The following R3HDM2 variants were observed in gnomAD, a reference collection of about 807,000 sequenced individuals.
The protein encoded by R3HDM2 is R3H domain-containing protein 2.
Under a neutral mutation model 124.5 loss-of-function variants are expected in R3HDM2, and 38 were observed. The ratio of observed to expected loss-of-function variants is 0.31; its 90% CI spans 0.24 to 0.40. The LOEUF is 0.40. Ranked by LOEUF, R3HDM2 falls within the 10% of genes least tolerant of loss-of-function variation. The pLI, the probability that R3HDM2 is intolerant of heterozygous loss-of-function variation, is 1.00. For synonymous variants in R3HDM2, 391 were observed against 448.0 expected, an observed-to-expected ratio of 0.87 and a Z score of 1.61; for missense variants, 869 against 1,236.9, an observed-to-expected ratio of 0.70 and a Z score of 4.46.
At chr12:57,381,499 C>T (rs959635393) in intron 2 of R3HDM2, among the ~76,000 whole-genome samples, 8 of 137,342 alleles carry the variant, frequency 5.8e-5, no homozygotes, top group South Asian at 2.3e-4. Context: ...GAGCCGAGAT[C>T]GTACCACTGC....
rs1167770622 is a variant in R3HDM2 at position 57,256,595 on chromosome 12, G to A, written c.2450-84C>T. On this transcript the variant is annotated intron_variant, in intron 21 of 23. Transcript: ENST00000402412. ...AAGACTTCAAGGGGCTTTGGAGACAGCAACAATGCATACTATTCCTAATTT... is the reference window on the plus strand; with the variant it reads ...AAGACTTCAAGGGGCTTTGGAGACAACAACAATGCATACTATTCCTAATTT... 5.3e-6 allele frequency: 5 copies of A among 948,264 alleles called. No homozygotes were observed. The Admixed American group carries it at 1.4e-4, about 27-fold the overall frequency. The allele number at this position is 948,264 out of a possible 1,614,324, so 58.7% of individuals were successfully genotyped here.
intron 2 of R3HDM2, among the ~76,000 whole-genome samples, chr12:57,365,157 G>C (rs915842951): frequency 2.6e-5 from 4 of 151,266 alleles, no homozygotes; most frequent in Non-Finnish European, 5.9e-5. Context: ...CCAGCTACTA[G>C]GGAGGCTGAG....
At chr12:57,299,212 T>C (rs1243088112) in intron 6 of R3HDM2, 140 bp downstream of exon 6, 1 of 922,448 alleles carries the variant, frequency 1.1e-6, no homozygotes, top group Non-Finnish European at 1.6e-6. Flanking sequence ...GAAAGTAACC[T>C]CGTTAGGCAT....
chr12:57,371,659 C>T (rs1475407537), intron 2 of R3HDM2, among the ~76,000 whole-genome samples: 1 of 152,184 alleles, frequency 6.6e-6, no homozygotes, highest in Non-Finnish European at 1.5e-5. Context: ...TTCTCTTTCA[C>T]CTTTCCTAAA....
At position 57,267,027 on chromosome 12, in the gene R3HDM2, C is replaced by A; in HGVS notation, c.2031-196G>T. 5 of 475,630 alleles carry A rather than the reference C, an allele frequency of 1.1e-5. No homozygotes were observed. In the South Asian group the frequency reaches 1.1e-4, roughly 11 times the overall value. 29.5% of individuals were successfully genotyped at this position (475,630 alleles called of 1,614,324 possible). ...ATTATATGTATTTGTACTTGATCATCTTTCAATTAGGAAGCTGCTAATCAG... is the reference window on the plus strand; with the variant it reads ...ATTATATGTATTTGTACTTGATCATATTTCAATTAGGAAGCTGCTAATCAG... On this transcript the variant is annotated intron_variant, in intron 18 of 23. Transcript: ENST00000402412.
chr12:57,420,828 T>C (rs563725689), intron 1 of R3HDM2, among the ~76,000 whole-genome samples: 1 of 152,226 alleles, frequency 6.6e-6, no homozygotes, highest in African/African-American at 2.4e-5. Context: ...ACAACGTATA[T>C]ACTACTATAC....
chr12:57,383,998 G>A (rs558119285), intron 2 of R3HDM2, among the ~76,000 whole-genome samples: 2 of 152,244 alleles, frequency 1.3e-5, no homozygotes, highest in Admixed American at 6.5e-5. Context: ...CAGACCATTG[G>A]AAAGGCTTCA....
At chr12:57,256,821 T>TC (rs1212589019) in intron 21 of R3HDM2, among the ~76,000 whole-genome samples, 3 of 148,270 alleles carry the variant, frequency 2.0e-5, no homozygotes, top group Admixed American at 6.7e-5. Flanking sequence ...CTTTTATCTC[T>TC]CTTTTTTTTT....
intron 1 of R3HDM2, among the ~76,000 whole-genome samples, chr12:57,425,179 G>A (rs2070613188): frequency 6.6e-6 from 1 of 152,004 alleles, no homozygotes; most frequent in African/African-American, 2.4e-5. Flanking sequence ...GGCTGAGGCA[G>A]GAGAATCACT....
At chr12:57,309,144 G>A (rs1483377433) in intron 3 of R3HDM2, among the ~76,000 whole-genome samples, 1 of 152,200 alleles carries the variant, frequency 6.6e-6, no homozygotes, top group East Asian at 1.9e-4. Context: ...CTTTAAAGAA[G>A]ACAAACCTTA....
chr12:57,326,980 T>C (rs978988944), intron 2 of R3HDM2, among the ~76,000 whole-genome samples: 1 of 77,912 alleles, frequency 1.3e-5, no homozygotes, highest in East Asian at 3.8e-4. Context: ...TGTTGAGATA[T>C]GTTGCTCAAA....
chr12:57,266,891 C>A, intron 18 of R3HDM2, 60 bp from the exon 19 acceptor site: 1 of 1,214,616 alleles, frequency 8.2e-7, no homozygotes, highest in Non-Finnish European at 1.2e-6. Flanking sequence ...CAGCTCCTGG[C>A]AAACAGCTGC....
intron 1 of R3HDM2, among the ~76,000 whole-genome samples, chr12:57,402,632 G>A (rs758519756): frequency 6.6e-5 from 10 of 152,068 alleles, no homozygotes; most frequent in Non-Finnish European, 1.5e-4. Context: ...AGCCAGGCGT[G>A]GTGGCAGGCG....
At chr12:57,349,301 A>ACC (rs2060409221) in intron 2 of R3HDM2, among the ~76,000 whole-genome samples, 1 of 142,762 alleles carries the variant, frequency 7.0e-6, no homozygotes, top group South Asian at 2.3e-4. Context: ...AATGGCGTGA[A>ACC]CCCGGGAGGC....
chr12:57,255,659 C>T (rs965587727), intron 23 of R3HDM2, among the ~76,000 whole-genome samples: 1 of 152,174 alleles, frequency 6.6e-6, no homozygotes, highest in African/African-American at 2.4e-5. Flanking sequence ...ATATTCTCTA[C>T]CAATCTTCTC....
chr12:57,362,777 T>C (rs2062108068), intron 2 of R3HDM2, among the ~76,000 whole-genome samples: 1 of 152,174 alleles, frequency 6.6e-6, no homozygotes, highest in Non-Finnish European at 1.5e-5. Flanking sequence ...TAAAATAATA[T>C]TTTCTCCACA....
chr12:57,301,645 G>A (rs954233103), intron 4 of R3HDM2, among the ~76,000 whole-genome samples: 2 of 152,150 alleles, frequency 1.3e-5, no homozygotes, highest in Non-Finnish European at 2.9e-5. Flanking sequence ...CATCAAGCCC[G>A]TCACTATGGA....
At chr12:57,303,895 C>A (rs2051907500) in intron 3 of R3HDM2, among the ~76,000 whole-genome samples, 1 of 152,144 alleles carries the variant, frequency 6.6e-6, no homozygotes, top group Non-Finnish European at 1.5e-5. Context: ...ACCATGGTAT[C>A]CTGTCTTATT....
At chr12:57,280,065 G>A (rs1433028429) in intron 14 of R3HDM2, among the ~76,000 whole-genome samples, 1 of 152,158 alleles carries the variant, frequency 6.6e-6, no homozygotes, top group Non-Finnish European at 1.5e-5. Context: ...CATAGAGGGA[G>A]ATGGGGTACA....
Sources: allele counts gnomAD v4.1 joint callset (sites outside exome capture counted in the v4.1 genomes callset), GRCh38; gene constraint gnomAD v4.1.1; transcripts MANE v1.5; gene names NCBI Gene and HGNC (gene_info 2026-07-23, HGNC 2026-07-21).